The following ATRNL1 variants were observed in gnomAD, a reference collection of about 807,000 sequenced individuals.
ATRNL1 encodes attractin-like protein 1.
Under a neutral mutation model 182.7 loss-of-function variants are expected in ATRNL1, and 95 were observed. The ratio of observed to expected loss-of-function variants is 0.52; its 90% CI spans 0.44 to 0.62. ATRNL1 has a LOEUF of 0.62. Ranked by LOEUF, ATRNL1 falls within the 20% of genes least tolerant of loss-of-function variation. The pLI is 0.00. For synonymous variants in ATRNL1, 576 were observed against 568.3 expected (o/e 1.01, Z -0.19); for missense variants, 1,471 against 1,679.5 (o/e 0.88, Z 2.17).
At chr10:115,216,906 G>A (rs1047434185) in intron 9 of ATRNL1, among the ~76,000 whole-genome samples, 1 of 151,618 alleles carries the variant, frequency 6.6e-6, no homozygotes, top group Non-Finnish European at 1.5e-5. Context: ...CTAATAAAAT[G>A]TAGTTTTATT....
rs375310400 is a variant in ATRNL1, at chr10:115,628,070, C to T, written c.3795+78534C>T. ...GCGGAGGCAGGAGAATTGCTTGAAC[C>T]CGGGAGGCGGAGGTTACAGTGAGCC... On this transcript the variant is annotated intron_variant, in intron 26 of 28. Transcript: ENST00000355044. Among the ~76,000 whole-genome samples, 38 of 151,316 alleles carry T rather than the reference C, an allele frequency of 2.5e-4. 1 individual carries two copies. In the South Asian group the frequency reaches 7.8e-3, roughly 31 times the overall value.
intron 3 of ATRNL1, among the ~76,000 whole-genome samples, chr10:115,122,666 A>T (rs186787228): frequency 9.8e-4 from 149 of 152,104 alleles, no homozygotes; most frequent in African/African-American, 3.3e-3. Flanking sequence ...ATTCTAATAC[A>T]TTTTATTTTG....
At chr10:115,381,993 A>G (rs1858040848) in intron 19 of ATRNL1, among the ~76,000 whole-genome samples, 1 of 152,084 alleles carries the variant, frequency 6.6e-6, no homozygotes, top group Non-Finnish European at 1.5e-5. Flanking sequence ...ACCCTTGACA[A>G]GAATCAATTG....
chr10:115,605,424 AC>A (rs1449827566), intron 26 of ATRNL1, among the ~76,000 whole-genome samples: 1 of 152,106 alleles, frequency 6.6e-6, no homozygotes, highest in Non-Finnish European at 1.5e-5. Flanking sequence ...TTCTGTAACT[AC>A]AGTTAGCATA....
At chr10:115,665,082 T>A (rs1555039292) in intron 26 of ATRNL1, among the ~76,000 whole-genome samples, 1 of 152,170 alleles carries the variant, frequency 6.6e-6, no homozygotes, top group African/African-American at 2.4e-5. Flanking sequence ...CATCTAATGG[T>A]TTCTCATTAA....
intron 28 of ATRNL1, among the ~76,000 whole-genome samples, chr10:115,934,258 T>C (rs530433045): frequency 3.3e-5 from 5 of 152,290 alleles, no homozygotes; most frequent in Admixed American, 6.5e-5. Context: ...CAAACTTCGA[T>C]TTTGTTAAAC....
At chr10:115,917,338 C>A (rs1185417968) in intron 28 of ATRNL1, among the ~76,000 whole-genome samples, 2 of 151,882 alleles carry the variant, frequency 1.3e-5, no homozygotes, top group Non-Finnish European at 2.9e-5. Flanking sequence ...GGCATGGCGG[C>A]GGGCACCTGT....
intron 2 of ATRNL1, among the ~76,000 whole-genome samples, 185 bp downstream of exon 2, chr10:115,120,453 G>C (rs1331690072): frequency 6.6e-6 from 1 of 151,868 alleles, no homozygotes; most frequent in Non-Finnish European, 1.5e-5. Context: ...TGTGACAGTA[G>C]TTTAATTTTT....
At chr10:115,553,862 A>G (rs906562224) in intron 26 of ATRNL1, among the ~76,000 whole-genome samples, 1 of 151,502 alleles carries the variant, frequency 6.6e-6, no homozygotes, top group Non-Finnish European at 1.5e-5. Flanking sequence ...ACGCAGTGAT[A>G]AATAGATTCT....
At chr10:115,237,430 A>G (rs1459506820) in intron 9 of ATRNL1, among the ~76,000 whole-genome samples, 1 of 152,296 alleles carries the variant, frequency 6.6e-6, no homozygotes, top group South Asian at 2.1e-4. Flanking sequence ...CTATTCTAAT[A>G]TGTGTGTAGT....
At chr10:115,171,496 G>T (rs1564795268) in intron 8 of ATRNL1, 2 of 415,400 alleles carry the variant, frequency 4.8e-6, no homozygotes, top group Non-Finnish European at 4.1e-6. Flanking sequence ...ACCAAATGAG[G>T]GGAAATATTA....
intron 20 of ATRNL1, among the ~76,000 whole-genome samples, chr10:115,419,087 T>G (rs1377527040): frequency 2.0e-5 from 3 of 152,184 alleles, no homozygotes; most frequent in Non-Finnish European, 4.4e-5. Context: ...TGTTAAGAGA[T>G]AGACAATATG....
chr10:115,374,049 G>C (rs566604958), intron 19 of ATRNL1, among the ~76,000 whole-genome samples: 1 of 151,650 alleles, frequency 6.6e-6, no homozygotes, highest in Non-Finnish European at 1.5e-5. Flanking sequence ...CTTCTAAATT[G>C]TTTGATTCTG....
At chr10:115,535,687 G>C (rs11197277) in intron 25 of ATRNL1, among the ~76,000 whole-genome samples, 97,300 of 151,842 alleles carry the variant, frequency 0.64, 32,127 homozygotes, top group Non-Finnish European at 0.73. Flanking sequence ...AGGTGCTCTG[G>C]TTTTTAGAGT....
intron 19 of ATRNL1, among the ~76,000 whole-genome samples, chr10:115,377,544 A>C (rs148669859): frequency 1.1e-3 from 167 of 152,152 alleles, no homozygotes; most frequent in African/African-American, 3.8e-3. Flanking sequence ...TTTTTCAGGC[A>C]ATTTGTATTT....
intron 8 of ATRNL1, among the ~76,000 whole-genome samples, chr10:115,174,234 T>C (rs945402021): frequency 1.3e-5 from 2 of 151,790 alleles, no homozygotes; most frequent in Non-Finnish European, 2.9e-5. Flanking sequence ...TCTCTGGAAA[T>C]GTAATTTTCT....
At chr10:115,247,794 A>C (rs1420081794) in intron 10 of ATRNL1, among the ~76,000 whole-genome samples, 4 of 152,202 alleles carry the variant, frequency 2.6e-5, no homozygotes, top group Non-Finnish European at 5.9e-5. Context: ...GGGATGAATG[A>C]ATTTGAAAAA....
chr10:115,519,317 T>TTC lies in ATRNL1; in HGVS notation c.3711_3712dup (p.Phe1238SerfsTer48). The TTC allele has an allele frequency of 6.2e-7, 1 of 1,611,344 alleles. No homozygotes were observed. Among genetic ancestry groups the TTC allele is most frequent in the Non-Finnish European group, 8.5e-7 (1 of 1,178,666 alleles). On this transcript the variant is annotated frameshift_variant, in exon 25 of 29. Coordinates refer to ENST00000355044, the MANE Select transcript of ATRNL1 (RefSeq NM_207303.4). LOFTEE classifies it high-confidence loss of function. ...GGACCTTGTGCAGTTTTTTGTCACC[T>TTC]TCTTCAGGTAAAAGTTTGCTTTGAC...
chr10:115,387,611 C>T (rs1261040777), intron 19 of ATRNL1, among the ~76,000 whole-genome samples: 1 of 152,148 alleles, frequency 6.6e-6, no homozygotes, highest in Non-Finnish European at 1.5e-5. Flanking sequence ...CAACCCAGCC[C>T]TGGGCAGCTA....
Sources: gnomAD v4.1 joint callset for allele counts (sites outside exome capture counted in the v4.1 genomes callset) on GRCh38, gnomAD v4.1.1 for gene constraint, MANE v1.5 for transcripts, NCBI Gene and HGNC (gene_info 2026-07-23, HGNC 2026-07-21) for gene names.